Variants in CACNB2 observed in about 807,000 individuals in gnomAD.
CACNB2 encodes voltage-dependent L-type calcium channel subunit beta-2.
Under a neutral mutation model 73.3 loss-of-function variants are expected in CACNB2, and 42 were observed. That is an observed-to-expected ratio of 0.57 (90% confidence interval 0.45 to 0.74). CACNB2 has a LOEUF of 0.74. Ranked by LOEUF, CACNB2 falls within the 30% of genes least tolerant of loss-of-function variation. The pLI is 0.00. For missense variants in CACNB2, 940 were observed against 853.0 expected (o/e 1.10, Z -1.27); for synonymous variants, 348 against 310.3 (o/e 1.12, Z -1.28).
At chr10:18,415,044 C>T (rs936846436) in intron 3 of CACNB2, among the ~76,000 whole-genome samples, 5 of 152,222 alleles carry the variant, frequency 3.3e-5, no homozygotes, top group East Asian at 1.9e-4. Flanking sequence ...ATCATGCTAT[C>T]GAGTTGGAAT....
intron 3 of CACNB2, among the ~76,000 whole-genome samples, chr10:18,490,227 T>C (rs2049330168): frequency 6.6e-6 from 1 of 152,190 alleles, no homozygotes; most frequent in African/African-American, 2.4e-5. Flanking sequence ...CTTCTACAAA[T>C]TGGTACTTAC....
rs35385599 is a variant in CACNB2 at position 18,461,764 on chromosome 10, C to CTTTTT, written c.334-36573_334-36569dup. ...CCCTGCTTTAGGCATTTCGATAAAG[C>CTTTTT]TTTTTTTTTTTTTTTTTTTTTTGGC... On this transcript the variant is annotated intron_variant, in intron 3 of 13. Transcript: ENST00000324631. Among the ~76,000 whole-genome samples, 118 of 67,982 alleles carry CTTTTT rather than the reference C, an allele frequency of 1.7e-3. 3 individuals carry two copies. Among genetic ancestry groups the CTTTTT allele is most frequent in the African/African-American group, 3.7e-3 (61 of 16,374 alleles). 44.6% of individuals were successfully genotyped at this position (67,982 alleles called of 152,430 possible). A position where few individuals can be genotyped will look rare whatever the true frequency, so the allele number is the denominator to read the frequency against.
At chr10:18,456,619 T>G (rs1287677393) in intron 3 of CACNB2, among the ~76,000 whole-genome samples, 1 of 152,146 alleles carries the variant, frequency 6.6e-6, no homozygotes, top group Non-Finnish European at 1.5e-5. Context: ...GACATGAGAT[T>G]TGGGTGGGGT....
intron 5 of CACNB2, among the ~76,000 whole-genome samples, chr10:18,503,566 C>T (rs898876900): frequency 1.3e-5 from 2 of 152,034 alleles, no homozygotes; most frequent in Admixed American, 6.6e-5. Flanking sequence ...CCAACTTGGG[C>T]GTCAGTGAAA....
intron 2 of CACNB2, among the ~76,000 whole-genome samples, chr10:18,313,119 A>C (rs1260185451): frequency 1.3e-5 from 2 of 152,054 alleles, no homozygotes; most frequent in Non-Finnish European, 2.9e-5. Context: ...ACTGTCCCTA[A>C]AAATTATTCA....
chr10:18,410,509 C>T (rs1226813253), intron 3 of CACNB2, among the ~76,000 whole-genome samples: 1 of 150,500 alleles, frequency 6.6e-6, no homozygotes, highest in Non-Finnish European at 1.5e-5. Flanking sequence ...TAGTTTATTT[C>T]AAAAAAATAT....
intron 13 of CACNB2, among the ~76,000 whole-genome samples, 160 bp downstream of exon 13, chr10:18,538,525 G>A (rs1329014485): frequency 6.6e-6 from 1 of 152,128 alleles, no homozygotes; most frequent in Non-Finnish European, 1.5e-5. Context: ...GTACCTGTAA[G>A]AAAAGCACCA....
In CACNB2 at chr10:18,183,346, A is replaced by G. The variant is rs532519277; in HGVS notation, c.213+32371A>G. On this transcript the variant is annotated intron_variant, in intron 2 of 13. Transcript: ENST00000324631. Reference sequence around the variant, plus strand: ...CTGTTCTTTTTTATTATTTTTTTTCATTAAAAAACTCCTGCTGGTCATTTA... The same window carrying G: ...CTGTTCTTTTTTATTATTTTTTTTCGTTAAAAAACTCCTGCTGGTCATTTA... 6.5e-4 allele frequency among the ~76,000 whole-genome samples: 97 copies of G among 148,414 alleles called. 2 individuals carry two copies. The South Asian group carries it at 0.017, about 26-fold the overall frequency.
chr10:18,480,646 A>T (rs536975025), intron 3 of CACNB2, among the ~76,000 whole-genome samples: 1 of 152,354 alleles, frequency 6.6e-6, no homozygotes, highest in African/African-American at 2.4e-5. Context: ...AAGTGTAGCT[A>T]GTTCAGTTGC....
At chr10:18,323,785 T>C (rs186277799) in intron 2 of CACNB2, among the ~76,000 whole-genome samples, 1 of 152,374 alleles carries the variant, frequency 6.6e-6, no homozygotes, top group Non-Finnish European at 1.5e-5. Context: ...GAAAGCTTTA[T>C]GTTGTTAATA....
chr10:18,460,800 A>G (rs527373513), intron 3 of CACNB2, among the ~76,000 whole-genome samples: 19 of 151,828 alleles, frequency 1.3e-4, no homozygotes, highest in African/African-American at 4.6e-4. Context: ...TGAGGTGGGA[A>G]GACCACTTGA....
intron 4 of CACNB2, 168 bp downstream of exon 4, chr10:18,498,645 C>T: frequency 2.9e-6 from 2 of 696,418 alleles, no homozygotes; most frequent in Non-Finnish European, 4.8e-6. Flanking sequence ...TATAAATATA[C>T]CTTTTAAAGT....
chr10:18,218,222 C>T (rs1422901301), intron 2 of CACNB2, among the ~76,000 whole-genome samples: 1 of 152,180 alleles, frequency 6.6e-6, no homozygotes, highest in Non-Finnish European at 1.5e-5. Flanking sequence ...ATTGGTCTTA[C>T]TGAATTCTGA....
chr10:18,509,458 C>T (rs930309884), intron 6 of CACNB2, among the ~76,000 whole-genome samples: 2 of 151,966 alleles, frequency 1.3e-5, no homozygotes, highest in East Asian at 3.9e-4. Context: ...TGTGTCAAGC[C>T]CAAGCTCTGC....
At chr10:18,228,976 A>G (rs536801956) in intron 2 of CACNB2, among the ~76,000 whole-genome samples, 255 of 152,220 alleles carry the variant, frequency 1.7e-3, no homozygotes, top group Non-Finnish European at 3.1e-3. Flanking sequence ...TCCTGACCTC[A>G]AGTGATCCAC....
At chr10:18,356,569 G>A (rs1342590167) in intron 2 of CACNB2, among the ~76,000 whole-genome samples, 1 of 151,836 alleles carries the variant, frequency 6.6e-6, no homozygotes, top group Non-Finnish European at 1.5e-5. Flanking sequence ...AGTTTGCTTC[G>A]TATAAATGTA....
At chr10:18,420,314 T>TACAC (rs56183878) in intron 3 of CACNB2, among the ~76,000 whole-genome samples, 2 of 135,922 alleles carry the variant, frequency 1.5e-5, no homozygotes, top group Non-Finnish European at 3.3e-5. Context: ...TAAACACACA[T>TACAC]ACACACACAC....
chr10:18,405,194 A>C (rs1368634739), intron 3 of CACNB2, among the ~76,000 whole-genome samples: 1 of 152,198 alleles, frequency 6.6e-6, no homozygotes, highest in Non-Finnish European at 1.5e-5. Context: ...AACCATCACT[A>C]TAATCAGTTT....
intron 3 of CACNB2, among the ~76,000 whole-genome samples, chr10:18,460,990 C>A (rs146248794): frequency 6.6e-6 from 1 of 151,978 alleles, no homozygotes; most frequent in African/African-American, 2.4e-5. Flanking sequence ...AGGGCAATGG[C>A]GTGATCTTGG....
Sources: allele counts gnomAD v4.1 joint callset (sites outside exome capture counted in the v4.1 genomes callset), GRCh38; gene constraint gnomAD v4.1.1; transcripts MANE v1.5; gene names NCBI Gene and HGNC (gene_info 2026-07-23, HGNC 2026-07-21).